Variants in VDAC3 observed in about 807,000 individuals in gnomAD.
VDAC3 encodes the protein non-selective voltage-gated ion channel VDAC3.
A neutral mutation model predicts 33.9 loss-of-function variants in VDAC3; 7 were observed. The observed-to-expected ratio is 0.21, with a 90% CI of 0.12 to 0.39. The LOEUF (loss-of-function observed/expected upper bound fraction) is 0.39. Ranked by LOEUF, VDAC3 falls within the 10% of genes least tolerant of loss-of-function variation. The pLI, the probability that VDAC3 is intolerant of heterozygous loss-of-function variation, is 1.00. For missense variants in VDAC3, 261 were observed against 334.5 expected (o/e 0.78, Z 1.71); for synonymous variants, 100 against 122.4 (o/e 0.82, Z 1.21).
At chr8:42,392,813 C>T (rs987856503) in intron 1 of VDAC3, among the ~76,000 whole-genome samples, 1 of 152,168 alleles carries the variant, frequency 6.6e-6, no homozygotes, top group African/African-American at 2.4e-5. Context: ...ATATATACTG[C>T]CTGCATTTCT....
chr8:42,394,001 G>A (rs1376959593), intron 2 of VDAC3, 117 bp downstream of exon 2: 2 of 479,932 alleles, frequency 4.2e-6, no homozygotes, highest in East Asian at 6.4e-5. Flanking sequence ...AATCTCACGG[G>A]AAAACTGTTT....
chr8:42,396,923 T>C (rs1405606591), intron 4 of VDAC3: 4 of 440,624 alleles, frequency 9.1e-6, no homozygotes, highest in Non-Finnish European at 1.6e-5. Flanking sequence ...TTTGACCAAA[T>C]TATGAAATTA....
In VDAC3 at chr8:42,401,825, G is replaced by T; in HGVS notation, c.361G>T (p.Asp121Tyr). ...GAAATTGAAGGCCTCCTATAAACGG[G>T]ATTGTTTTAGTGTTGGCAGTAATGT... ...SGKLKASYKR[D>Y]CFSVGSNVDI... is the part of the protein sequence containing the mutation. Residue 121 changes from aspartate (D) to tyrosine (Y), a missense_variant, in exon 7 of 10, where the codon GAT becomes TAT. Asp to Tyr is a radical substitution (Grantham distance 160). Coordinates refer to ENST00000022615, the MANE Select transcript of VDAC3 (RefSeq NM_005662.7). The T allele has an allele frequency of 6.2e-7, 1 of 1,614,222 alleles. No individual in the cohort carries two copies.
At chr8:42,398,912 G>C in intron 5 of VDAC3, 48 bp downstream of exon 5, 1 of 1,593,784 alleles carries the variant, frequency 6.3e-7, no homozygotes, top group Non-Finnish European at 8.6e-7. Flanking sequence ...TTATCTTGTA[G>C]ATTGAATGAT....
intron 7 of VDAC3, 88 bp from the exon 8 acceptor site, chr8:42,403,223 G>A (rs1802447538): frequency 5.3e-6 from 8 of 1,496,812 alleles, no homozygotes; most frequent in Non-Finnish European, 7.3e-6. Flanking sequence ...TGGGATCCTT[G>A]TTTAGATAGT....
chr8:42,399,286 T>C lies in VDAC3; in HGVS notation c.271-365T>C, dbSNP rs114626431. ...TGATAGAGATACCATGTATAGATAA[T>C]GTACATGCAAAACTGAGTAAAATGA... On this transcript the variant is annotated intron_variant, in intron 5 of 9. Coordinates refer to ENST00000022615, the MANE Select transcript of VDAC3 (RefSeq NM_005662.7). 2.0e-5 allele frequency among the ~76,000 whole-genome samples: 3 copies of C among 152,190 alleles called. No individual in the cohort carries two copies. In the East Asian group the frequency reaches 5.8e-4, roughly 29 times the overall value.
At chr8:42,396,020 G>T (rs1220611654) in intron 4 of VDAC3, among the ~76,000 whole-genome samples, 6 of 151,662 alleles carry the variant, frequency 4.0e-5, no homozygotes, top group South Asian at 4.2e-4. Flanking sequence ...CACTTTGGGA[G>T]GCCAAGGCGG....
rs749473649 is a variant in VDAC3, at chr8:42,405,601, A to G, written c.*139A>G. The G allele has an allele frequency of 5.6e-6, 4 of 712,422 alleles. No individual in the cohort carries two copies. The African/African-American group carries it at 7.2e-5, about 13-fold the overall frequency. 44.1% of individuals were successfully genotyped at this position (712,422 alleles called of 1,614,324 possible). ...TCCAAAGAATTGTAATCCTCCCCAC[A>G]CTGAAGTCTAGGGGTTGCGAATCCC... On this transcript the variant is annotated 3_prime_UTR_variant, in exon 10 of 10. Coordinates refer to ENST00000022615, the MANE Select transcript of VDAC3 (RefSeq NM_005662.7).
At chr8:42,398,283 T>C (rs1202899874) in intron 4 of VDAC3, among the ~76,000 whole-genome samples, 4 of 152,222 alleles carry the variant, frequency 2.6e-5, no homozygotes, top group African/African-American at 9.6e-5. Flanking sequence ...TATTGAGCTG[T>C]CTCACTCCGT....
intron 5 of VDAC3, 199 bp from the exon 6 acceptor site, chr8:42,399,452 T>A: frequency 2.3e-6 from 1 of 439,190 alleles, no homozygotes; most frequent in South Asian, 3.3e-5. Context: ...GCCCCATTTT[T>A]TAGTGGGAGA....
chr8:42,399,067 T>G (rs1802370638), intron 5 of VDAC3, among the ~76,000 whole-genome samples: 1 of 152,084 alleles, frequency 6.6e-6, no homozygotes, highest in South Asian at 2.1e-4. Flanking sequence ...TATTACATCT[T>G]TGTTCTGACT....
intron 6 of VDAC3, among the ~76,000 whole-genome samples, chr8:42,400,913 C>T (rs1388077945): frequency 2.6e-5 from 4 of 151,862 alleles, no homozygotes; most frequent in African/African-American, 4.8e-5. Flanking sequence ...CCGCCTGGCT[C>T]GGCCTCCCAA....
In VDAC3 at chr8:42,404,854, C is replaced by A; in HGVS notation, c.703-13C>A. On this transcript the variant is annotated splice_polypyrimidine_tract_variant and intron_variant, in intron 8 of 9. Transcript: ENST00000022615. ...TCACTGTTTTCTGTTATTATTCTAT[C>A]TCTTAATCTTAGGCTAAAGTAAATA... 1 of 1,608,134 alleles carries A rather than the reference C, an allele frequency of 6.2e-7. No homozygotes were observed. Among genetic ancestry groups the A allele is most frequent in the African/African-American group, 1.3e-5 (1 of 74,792 alleles).
Position 42,403,368 on chromosome 8 carries a change from A to C in VDAC3, c.609A>C (p.Glu203Asp). ...SIYQKVNEKI[E>D]TSINLAWTAG... ...ACCAGAAGGTGAATGAGAAGATTGA[A>C]ACATCCATAAACCTTGCTTGGACAG... Residue 203 changes from glutamate to aspartate, a missense_variant, in exon 8 of 10, where the codon GAA becomes GAC. Transcript: ENST00000022615. The C allele has an allele frequency of 6.2e-7, 1 of 1,613,994 alleles. No homozygotes were observed. Among genetic ancestry groups the C allele is most frequent in the African/African-American group, 1.3e-5 (1 of 75,054 alleles).
intron 4 of VDAC3, among the ~76,000 whole-genome samples, chr8:42,397,804 A>G (rs1408430816): frequency 6.6e-6 from 1 of 152,218 alleles, no homozygotes; most frequent in Admixed American, 6.5e-5. Flanking sequence ...ACTTTCAAAT[A>G]TTGAAATTGT....
intron 1 of VDAC3, among the ~76,000 whole-genome samples, chr8:42,393,596 A>T (rs1282093975): frequency 1.3e-5 from 2 of 152,232 alleles, no homozygotes; most frequent in African/African-American, 4.8e-5. Context: ...TTAACTTCAG[A>T]GTTTACACTA....
chr8:42,402,231 A>G (rs1291896829), intron 7 of VDAC3: 2 of 588,974 alleles, frequency 3.4e-6, no homozygotes, highest in Non-Finnish European at 3.0e-6. Context: ...CCTGCACCCC[A>G]AACTTGAGGA....
chr8:42,398,700 C>T lies in VDAC3; in HGVS notation c.118-12C>T, dbSNP rs1802360570. The stretch of plus-strand genomic sequence containing the variant: ...GCTAATTTTAAAGTAATTATTTTTT[C>T]TTGCTTACCAGGAATTTTCTACTTC... On this transcript the variant is annotated splice_polypyrimidine_tract_variant and intron_variant, in intron 4 of 9. Transcript: ENST00000022615. 1.3e-6 allele frequency: 2 copies of T among 1,595,614 alleles called. No homozygotes were observed. Among genetic ancestry groups the T allele is most frequent in the South Asian group, 2.3e-5 (2 of 87,082 alleles).
At position 42,402,023 on chromosome 8, in the gene VDAC3, T is replaced by C. The variant is rs1465923612; in HGVS notation, c.551+8T>C. Reference sequence around the variant, plus strand: ...CCAGCTGCACACACATGTGTGAGTGTTTATAATTTATTCCTTAGTATCAGT... The same window carrying C: ...CCAGCTGCACACACATGTGTGAGTGCTTATAATTTATTCCTTAGTATCAGT... On this transcript the variant is annotated splice_region_variant and intron_variant, in intron 7 of 9. Transcript: ENST00000022615. The C allele has an allele frequency of 6.2e-7, 1 of 1,613,356 alleles. No individual in the cohort carries two copies. The highest frequency in any genetic ancestry group is 1.7e-5 in the Admixed American group (1 of 59,944).
Sources: gnomAD v4.1 joint callset for allele counts (sites outside exome capture counted in the v4.1 genomes callset) on GRCh38, gnomAD v4.1.1 for gene constraint, MANE v1.5 for transcripts, NCBI Gene and HGNC (gene_info 2026-07-23, HGNC 2026-07-21) for gene names.